Variants in SNTG1 observed in about 807,000 individuals in gnomAD.
The protein encoded by SNTG1 is gamma-1-syntrophin.
In SNTG1, 39 loss-of-function variants were observed where a neutral mutation model predicts 74.7. That is an observed-to-expected ratio of 0.52 (90% CI 0.40 to 0.68). The LOEUF (loss-of-function observed/expected upper bound fraction) is 0.68. Ranked by LOEUF, SNTG1 falls within the 30% of genes least tolerant of loss-of-function variation. SNTG1 has a pLI of 0.00. For synonymous variants in SNTG1, 254 were observed against 217.1 expected, an observed-to-expected ratio of 1.17 and a Z score of -1.49; for missense variants, 685 against 609.5, an observed-to-expected ratio of 1.12 and a Z score of -1.30.
intron 4 of SNTG1, among the ~76,000 whole-genome samples, chr8:50,419,045 G>T (rs552409554): frequency 6.6e-6 from 1 of 152,122 alleles, no homozygotes; most frequent in Non-Finnish European, 1.5e-5. Context: ...GAAAGGAACA[G>T]GGAGAAAGAC....
chr8:50,045,725 G>C (rs1819028899), intron 1 of SNTG1, among the ~76,000 whole-genome samples: 1 of 152,154 alleles, frequency 6.6e-6, no homozygotes, highest in Non-Finnish European at 1.5e-5. Flanking sequence ...CAAATAGTGG[G>C]TAATTTTCTA....
intron 4 of SNTG1, among the ~76,000 whole-genome samples, chr8:50,412,122 C>T (rs972587887): frequency 3.3e-5 from 5 of 152,104 alleles, no homozygotes; most frequent in African/African-American, 1.2e-4. Flanking sequence ...AAATACATTG[C>T]TAGGTATAAG....
chr8:50,088,490 G>T (rs1327418688), intron 1 of SNTG1, among the ~76,000 whole-genome samples: 1 of 130,754 alleles, frequency 7.6e-6, no homozygotes, highest in Admixed American at 8.5e-5. Context: ...CGACATGATT[G>T]TATATCTAGA....
chr8:50,208,360 T>A (rs961182660), intron 2 of SNTG1, among the ~76,000 whole-genome samples: 1 of 152,218 alleles, frequency 6.6e-6, no homozygotes, highest in African/African-American at 2.4e-5. Context: ...AAAGTCTGTT[T>A]TATCAGAGAC....
chr8:50,073,966 G>T (rs2131022562), intron 1 of SNTG1, among the ~76,000 whole-genome samples: 2 of 149,258 alleles, frequency 1.3e-5, no homozygotes, highest in South Asian at 4.3e-4. Context: ...TCCTTCTTAA[G>T]GGCCCTAGGA....
chr8:50,426,094 T>A (rs532885908), intron 4 of SNTG1, among the ~76,000 whole-genome samples: 88 of 152,182 alleles, frequency 5.8e-4, no homozygotes, highest in Non-Finnish European at 1.1e-3. Context: ...TTACATAGTA[T>A]GGTAAGTTGG....
intron 15 of SNTG1, among the ~76,000 whole-genome samples, chr8:50,700,561 G>T (rs1215747682): frequency 6.6e-6 from 1 of 152,036 alleles, no homozygotes; most frequent in Non-Finnish European, 1.5e-5. Context: ...TTCCTGGCAG[G>T]TGCATTCTAT....
intron 13 of SNTG1, among the ~76,000 whole-genome samples, chr8:50,597,380 C>CACATATACACGTATATATACACATCTAT: frequency 7.6e-6 from 1 of 131,434 alleles, no homozygotes; most frequent in Non-Finnish European, 1.7e-5. Context: ...TGTATATATA[C>CACATATACACGTATATATACACATCTAT]ACATATATAC....
At chr8:50,268,841 T>C (rs1321656532) in intron 2 of SNTG1, among the ~76,000 whole-genome samples, 1 of 151,908 alleles carries the variant, frequency 6.6e-6, no homozygotes, top group Non-Finnish European at 1.5e-5. Flanking sequence ...GTATTTATAG[T>C]AGAGAAGAGG....
At chr8:50,232,911 G>T (rs377563995) in intron 2 of SNTG1, among the ~76,000 whole-genome samples, 4 of 151,370 alleles carry the variant, frequency 2.6e-5, no homozygotes, top group Non-Finnish European at 4.4e-5. Flanking sequence ...AATGATTCTG[G>T]TGAAATAAAT....
chr8:50,180,613 T>C (rs971115590), intron 2 of SNTG1, among the ~76,000 whole-genome samples: 3 of 152,182 alleles, frequency 2.0e-5, no homozygotes, highest in African/African-American at 4.8e-5. Context: ...CTTCCTATTA[T>C]ACAAAACCCA....
At chr8:50,022,280 A>G (rs1306787797) in intron 1 of SNTG1, among the ~76,000 whole-genome samples, 2 of 152,176 alleles carry the variant, frequency 1.3e-5, no homozygotes, top group African/African-American at 4.8e-5. Flanking sequence ...AAATGCTGTA[A>G]TAGATATTTG....
intron 8 of SNTG1, among the ~76,000 whole-genome samples, chr8:50,475,743 AT>A (rs1338083533): frequency 2.6e-5 from 4 of 152,216 alleles, no homozygotes; most frequent in African/African-American, 9.6e-5. Context: ...AAAAAAAATC[AT>A]TTTAGAAGTT....
intron 4 of SNTG1, among the ~76,000 whole-genome samples, chr8:50,435,032 A>G (rs1351352072): frequency 1.1e-4 from 17 of 152,218 alleles, no homozygotes; most frequent in Middle Eastern, 3.4e-3. Flanking sequence ...AATATAGTTC[A>G]TACAATCTTT....
chr8:50,711,845 C>T (rs2095462502), intron 17 of SNTG1, among the ~76,000 whole-genome samples: 1 of 152,124 alleles, frequency 6.6e-6, no homozygotes, highest in South Asian at 2.1e-4. Context: ...CTGTACAGCT[C>T]AGCTTGTTCT....
intron 9 of SNTG1, among the ~76,000 whole-genome samples, chr8:50,522,434 T>C (rs2094186996): frequency 6.6e-6 from 1 of 152,006 alleles, no homozygotes; most frequent in Non-Finnish European, 1.5e-5. Context: ...ACAGGCAGAG[T>C]AGATTCACCA....
chr8:49,918,823 A>G (rs949267030), intron 1 of SNTG1, among the ~76,000 whole-genome samples: 5 of 152,116 alleles, frequency 3.3e-5, no homozygotes, highest in Non-Finnish European at 7.4e-5. Flanking sequence ...CCTAATTGGT[A>G]TTTGTATATT....
At chr8:50,742,409 TC>T (rs1246746794) in intron 17 of SNTG1, among the ~76,000 whole-genome samples, 1 of 151,702 alleles carries the variant, frequency 6.6e-6, no homozygotes, top group African/African-American at 2.4e-5. Flanking sequence ...ATCAACACAC[TC>T]CTAACTGTCA....
chr8:49,969,236 T>C (rs1257568798), intron 1 of SNTG1, among the ~76,000 whole-genome samples: 2 of 152,054 alleles, frequency 1.3e-5, no homozygotes, highest in Admixed American at 6.5e-5. Flanking sequence ...TTTCTTTTAA[T>C]TATTTATGAG....
Sources: allele counts gnomAD v4.1 joint callset (sites outside exome capture counted in the v4.1 genomes callset), GRCh38; gene constraint gnomAD v4.1.1; transcripts MANE v1.5; gene names NCBI Gene and HGNC (gene_info 2026-07-23, HGNC 2026-07-21).